FMN1: variants seen among roughly 807,000 people sequenced by gnomAD.
FMN1 encodes the protein formin 1, also known as formin-1.
Under a neutral mutation model 132.4 loss-of-function variants are expected in FMN1, and 110 were observed. The ratio of observed to expected loss-of-function variants is 0.83; its 90% CI spans 0.71 to 0.97. The LOEUF (loss-of-function observed/expected upper bound fraction) is 0.97, where lower values mean the gene tolerates loss of function less well. FMN1 is among the 50% of genes least tolerant of loss of function. The pLI is 0.00. For synonymous variants in FMN1, 722 were observed against 651.7 expected, an observed-to-expected ratio of 1.11 and a Z score of -1.64; for missense variants, 1,792 against 1,705.3, an observed-to-expected ratio of 1.05 and a Z score of -0.90.
intron 5 of FMN1, among the ~76,000 whole-genome samples, chr15:33,069,701 T>A (rs964589263): frequency 2.0e-5 from 3 of 152,212 alleles, no homozygotes; most frequent in African/African-American, 7.2e-5. Context: ...CATCATTGCA[T>A]CCCATCAACC....
intron 6 of FMN1, among the ~76,000 whole-genome samples, chr15:33,021,575 G>A (rs1390705712): frequency 6.6e-6 from 1 of 152,134 alleles, no homozygotes; most frequent in Non-Finnish European, 1.5e-5. Context: ...GTTCTGGGAT[G>A]ATGATATAAA....
intron 5 of FMN1, among the ~76,000 whole-genome samples, chr15:33,078,999 CAT>C (rs967855396): frequency 8.5e-5 from 13 of 152,166 alleles, no homozygotes; most frequent in Admixed American, 7.2e-4. Flanking sequence ...CAAAAACAAT[CAT>C]GTGAATTTTA....
chr15:33,113,423 A>G (rs919208456), intron 4 of FMN1, among the ~76,000 whole-genome samples: 9 of 151,250 alleles, frequency 6.0e-5, no homozygotes, highest in Non-Finnish European at 1.3e-4. Flanking sequence ...TTTCTTTACA[A>G]AATTTTTGTT....
intron 4 of FMN1, among the ~76,000 whole-genome samples, chr15:33,113,571 G>A (rs1179159910): frequency 6.6e-6 from 1 of 151,974 alleles, no homozygotes; most frequent in African/African-American, 2.4e-5. Flanking sequence ...CAATACCTGC[G>A]CTCCTACAGA....
chr15:33,106,236 G>A (rs2039478745), intron 4 of FMN1: 2 of 151,656 alleles, frequency 1.3e-5, no homozygotes, highest in Middle Eastern at 3.4e-3. Flanking sequence ...ATAATGTTCT[G>A]TAAATAAATT....
At chr15:32,812,417 T>C (rs1386529983) in intron 17 of FMN1, among the ~76,000 whole-genome samples, 1 of 152,236 alleles carries the variant, frequency 6.6e-6, no homozygotes, top group Non-Finnish European at 1.5e-5. Context: ...CATTTTGGGA[T>C]ACTTGCATAT....
chr15:32,840,053 C>G (rs1222034797), intron 17 of FMN1, among the ~76,000 whole-genome samples: 1 of 152,184 alleles, frequency 6.6e-6, no homozygotes, highest in Non-Finnish European at 1.5e-5. Context: ...GTGATGAATC[C>G]TCCCCGGGAG....
Position 32,910,525 on chromosome 15 carries a change from A to G in FMN1, c.3237T>C (p.Asn1079=), listed in dbSNP as rs773514343. ...CCAGATCAACCACGGAGTCATCCAC[A>G]TTGAAAATGGCTGCCAAGCACCCAA... The part of the protein sequence containing the change: ...EMKDIQQAIF[N]VDDSVVDLET... Residue 1079 remains asparagine (N), a synonymous_variant, in exon 11 of 21, where the codon AAT becomes AAC. Coordinates refer to ENST00000616417, the MANE Select transcript of FMN1 (RefSeq NM_001277313.2). 1 of 1,572,312 alleles carries G rather than the reference A, an allele frequency of 6.4e-7. No homozygotes were observed. The highest frequency in any genetic ancestry group is 1.4e-5 in the African/African-American group (1 of 73,982).
At chr15:33,063,286 T>C (rs2037567788) in intron 6 of FMN1, 1 of 152,242 alleles carries the variant, frequency 6.6e-6, no homozygotes, top group South Asian at 2.1e-4. Context: ...AGAGATCAGG[T>C]TGTGTGCCCT....
intron 4 of FMN1, among the ~76,000 whole-genome samples, chr15:33,124,304 T>C (rs757194684): frequency 6.6e-6 from 1 of 152,166 alleles, no homozygotes; most frequent in Non-Finnish European, 1.5e-5. Context: ...GACATAAAAG[T>C]GAGAAGGGGG....
At chr15:33,144,726 A>G (rs1006642582) in intron 4 of FMN1, among the ~76,000 whole-genome samples, 1 of 152,016 alleles carries the variant, frequency 6.6e-6, no homozygotes, top group Admixed American at 6.6e-5. Context: ...TAAGTGCCTT[A>G]AAAAACAAGC....
chr15:33,135,938 G>A (rs1181730989), intron 4 of FMN1, among the ~76,000 whole-genome samples: 2 of 152,202 alleles, frequency 1.3e-5, no homozygotes, highest in Admixed American at 6.5e-5. Context: ...ACAGGAATTA[G>A]CTTTGCTTTT....
Position 33,033,487 on chromosome 15 carries a change from G to C in FMN1, c.2162-25412C>G, listed in dbSNP as rs548223409. Reference sequence around the variant, plus strand: ...ACCCAACCCCTTTCTTAGTACAGAAGCTCTTATCCCTCTTACTTTCTTGAA... The same window carrying C: ...ACCCAACCCCTTTCTTAGTACAGAACCTCTTATCCCTCTTACTTTCTTGAA... On this transcript the variant is annotated intron_variant, in intron 6 of 20. Transcript: ENST00000616417. 2.6e-5 allele frequency among the ~76,000 whole-genome samples: 4 copies of C among 152,224 alleles called. No homozygotes were observed. The East Asian group carries it at 7.7e-4, about 29-fold the overall frequency.
At chr15:33,084,503 TA>T (rs1474497663) in intron 5 of FMN1, among the ~76,000 whole-genome samples, 1 of 152,118 alleles carries the variant, frequency 6.6e-6, no homozygotes, top group East Asian at 1.9e-4. Flanking sequence ...CAGTTCCAAG[TA>T]GATCGTGTCA....
At chr15:32,824,419 A>G (rs1286699878) in intron 17 of FMN1, among the ~76,000 whole-genome samples, 2 of 152,204 alleles carry the variant, frequency 1.3e-5, no homozygotes, top group African/African-American at 4.8e-5. Flanking sequence ...ATTTTCAGAA[A>G]CAGTATTTTT....
chr15:33,180,743 CCT>C (rs1491576322), intron 2 of FMN1, among the ~76,000 whole-genome samples: 2 of 87,514 alleles, frequency 2.3e-5, no homozygotes, highest in Non-Finnish European at 4.7e-5. Context: ...TCTCCTGCTG[CCT>C]TTTTTTTTTT....
chr15:33,081,264 G>A (rs1044232804), intron 5 of FMN1, among the ~76,000 whole-genome samples: 2 of 152,082 alleles, frequency 1.3e-5, no homozygotes, highest in African/African-American at 4.8e-5. Context: ...GGCAGCAAAC[G>A]GTTGAACCTG....
intron 6 of FMN1, among the ~76,000 whole-genome samples, chr15:33,024,381 G>A (rs2035572039): frequency 6.6e-6 from 1 of 151,804 alleles, no homozygotes; most frequent in Non-Finnish European, 1.5e-5. Context: ...TGAGTAGCCA[G>A]GACTACAGGC....
chr15:33,023,059 C>CAAAAAAAAAAAAAAAAAAAAAA (rs758459713), intron 6 of FMN1, among the ~76,000 whole-genome samples: 1 of 53,212 alleles, frequency 1.9e-5, no homozygotes, highest in Non-Finnish European at 3.4e-5. Flanking sequence ...CTCCCCCACC[C>CAAAAAAAAAAAAAAAAAAAAAA]AAAAAAAAAA....
Sources: gnomAD v4.1 joint callset for allele counts (sites outside exome capture counted in the v4.1 genomes callset) on GRCh38, gnomAD v4.1.1 for gene constraint, MANE v1.5 for transcripts, NCBI Gene and HGNC (gene_info 2026-07-23, HGNC 2026-07-21) for gene names.